Variants in VIPR1 observed in about 807,000 individuals in gnomAD.
The protein encoded by VIPR1 is vasoactive intestinal polypeptide receptor 1.
A neutral mutation model predicts 58.8 loss-of-function variants in VIPR1; 59 were observed. The ratio of observed to expected loss-of-function variants is 1.00; its 90% CI spans 0.81 to 1.25. The LOEUF (loss-of-function observed/expected upper bound fraction) is 1.25, where lower values mean the gene tolerates loss of function less well. VIPR1 is among the 50% of genes most tolerant of loss of function. The pLI, the probability that VIPR1 is intolerant of heterozygous loss-of-function variation, is 0.00. For missense variants in VIPR1, 626 were observed against 602.7 expected (o/e 1.04, Z -0.40); for synonymous variants, 251 against 242.1 (o/e 1.04, Z -0.34).
Position 42,495,330 on chromosome 3 carries a change from C to T in VIPR1, c.-245+5652C>T, listed in dbSNP as rs535267753. Reference sequence around the variant, plus strand: ...TAGAGACGGGGTTTCACCATGTTAGCCAGGATGGTTTCCATCTCCTGACCT... The same window carrying T: ...TAGAGACGGGGTTTCACCATGTTAGTCAGGATGGTTTCCATCTCCTGACCT... On this transcript the variant is annotated intron_variant, in intron 1 of 13. Coordinates refer to the VIPR1 transcript ENST00000433647. Among the ~76,000 whole-genome samples, 5 of 152,228 alleles carry T rather than the reference C, an allele frequency of 3.3e-5. No individual in the cohort carries two copies. In the South Asian group the frequency reaches 1.0e-3, roughly 32 times the overall value.
intron 10 of VIPR1, chr3:42,533,692 C>A (rs1006087420): frequency 2.0e-5 from 3 of 152,212 alleles, no homozygotes; most frequent in African/African-American, 7.2e-5. Context: ...CTCTACACCT[C>A]CCCATAAGCC....
Position 42,537,393 on chromosome 3 carries a change from T to A in VIPR1, c.*1112T>A, listed in dbSNP as rs1246300583. On this transcript the variant is annotated 3_prime_UTR_variant, in exon 13 of 13. Transcript: ENST00000325123. Reference sequence around the variant, plus strand: ...ATCCCCCTTGCCACCCCACCCTCCCTGGAGTGTGGCTGAGGAGGCCTCCAT... The same window carrying A: ...ATCCCCCTTGCCACCCCACCCTCCCAGGAGTGTGGCTGAGGAGGCCTCCAT... The A allele has an allele frequency of 6.6e-6, 1 of 152,202 alleles. No homozygotes were observed. Among genetic ancestry groups the A allele is most frequent in the East Asian group, 1.9e-4 (1 of 5,198 alleles). 9.4% of individuals were successfully genotyped at this position (152,202 alleles called of 1,614,324 possible).
At chr3:42,525,372 A>ACCCCCC (rs1701175137) in intron 3 of VIPR1, among the ~76,000 whole-genome samples, 2 of 77,386 alleles carry the variant, frequency 2.6e-5, no homozygotes, top group Non-Finnish European at 5.5e-5. Flanking sequence ...CCCCAACCCC[A>ACCCCCC]CCCCTCCTCA....
At chr3:42,534,887 T>C in intron 10 of VIPR1, 88 bp from the exon 11 acceptor site, 2 of 1,528,170 alleles carry the variant, frequency 1.3e-6, no homozygotes, top group East Asian at 2.3e-5. Flanking sequence ...CCCCATCTTC[T>C]GTGCCTCCAG....
intron 1 of VIPR1, among the ~76,000 whole-genome samples, chr3:42,494,177 A>G (rs556926622): frequency 6.6e-6 from 1 of 152,356 alleles, no homozygotes; most frequent in African/African-American, 2.4e-5. Flanking sequence ...TTTTGCTTCT[A>G]TGTTTATGTA....
chr3:42,502,508 C>T, upstream of VIPR1: 1 of 356,716 alleles, frequency 2.8e-6, no homozygotes, highest in Non-Finnish European at 5.0e-6. Context: ...GCTCCCCAGC[C>T]CCGCCCCATA....
chr3:42,503,262 A>G (rs1370463611), intron 1 of VIPR1, among the ~76,000 whole-genome samples: 2 of 152,144 alleles, frequency 1.3e-5, no homozygotes, highest in Non-Finnish European at 2.9e-5. Flanking sequence ...TGTCAGCATC[A>G]GAACCAGTGC....
rs1701771803 is a variant in VIPR1, at chr3:42,535,060, C to G, written c.1096C>G (p.Pro366Ala). 6.2e-7 allele frequency: 1 copy of G among 1,614,202 alleles called. No individual in the cohort carries two copies. Among genetic ancestry groups the G allele is most frequent in the East Asian group, 2.2e-5 (1 of 44,876 alleles). Residue 366 changes from proline to alanine, a missense_variant, in exon 11 of 13, where the codon CCT becomes GCT. Physicochemically the swap from Pro to Ala is conservative, Grantham distance 27 (BLOSUM62 -1). Transcript: ENST00000325123. ...CGCCTTCTTTCCGGACAATTTTAAG[C>G]CTGAAGTGAAGATGGTCTTTGAGCT... is the stretch of plus-strand genomic sequence containing the variant. ...MFAFFPDNFK[P>A]EVKMVFELVV...
At chr3:42,531,662 G>A in intron 8 of VIPR1, 131 bp downstream of exon 8, 1 of 1,549,176 alleles carries the variant, frequency 6.5e-7, no homozygotes, top group Non-Finnish European at 8.9e-7. Context: ...GAGGCTGGAG[G>A]AGGACCTGGG....
intron 2 of VIPR1, among the ~76,000 whole-genome samples, chr3:42,517,495 T>A (rs928900130): frequency 2.0e-5 from 3 of 152,182 alleles, no homozygotes; most frequent in Admixed American, 6.5e-5. Flanking sequence ...AATGATGGCA[T>A]TTGCATGTGC....
At chr3:42,528,243 C>A in intron 6 of VIPR1, 120 bp downstream of exon 6, 1 of 1,389,412 alleles carries the variant, frequency 7.2e-7, no homozygotes, top group East Asian at 2.5e-5. Flanking sequence ...CACCCCACCC[C>A]TCAATCCAAG....
Position 42,536,947 on chromosome 3 carries a change from A to G in VIPR1, c.*666A>G, listed in dbSNP as rs912576033. Reference sequence around the variant, plus strand: ...GGTCAGTCTGGTGGGAGGACGGTGCAACCCAAGGACTGAGGGACTCTGAAG... The same window carrying G: ...GGTCAGTCTGGTGGGAGGACGGTGCGACCCAAGGACTGAGGGACTCTGAAG... On this transcript the variant is annotated 3_prime_UTR_variant, in exon 13 of 13. Transcript: ENST00000325123. 2 of 152,190 alleles carry G rather than the reference A, an allele frequency of 1.3e-5. No homozygotes were observed. Among genetic ancestry groups the G allele is most frequent in the South Asian group, 2.1e-4 (1 of 4,830 alleles). The allele number at this position is 152,190 out of a possible 1,614,324, so 9.4% of individuals were successfully genotyped here.
At chr3:42,518,199 G>T (rs1053026352) in intron 2 of VIPR1, among the ~76,000 whole-genome samples, 1 of 152,030 alleles carries the variant, frequency 6.6e-6, no homozygotes, top group East Asian at 1.9e-4. Context: ...ACTAGATGTA[G>T]TCTGAAGGTT....
At chr3:42,524,669 C>A (rs1701134820) in intron 3 of VIPR1, among the ~76,000 whole-genome samples, 1 of 152,138 alleles carries the variant, frequency 6.6e-6, no homozygotes, top group Non-Finnish European at 1.5e-5. Context: ...TGGAAATAAA[C>A]ACACGTGCCC....
chr3:42,519,875 G>C (rs913900408), intron 3 of VIPR1, among the ~76,000 whole-genome samples: 1 of 152,206 alleles, frequency 6.6e-6, no homozygotes, highest in Non-Finnish European at 1.5e-5. Flanking sequence ...AGTGTGCCAG[G>C]CACTGAGCTG....
chr3:42,531,393 TC>T, intron 7 of VIPR1, 77 bp from the exon 8 acceptor site: 1 of 1,466,298 alleles, frequency 6.8e-7, no homozygotes, highest in Non-Finnish European at 9.3e-7. Context: ...CCTGCTTTTC[TC>T]CAAAATCTCT....
At chr3:42,501,561 A>C (rs1044493385), upstream of VIPR1, among the ~76,000 whole-genome samples, 1 of 152,236 alleles carries the variant, frequency 6.6e-6, no homozygotes, top group Admixed American at 6.5e-5. This position sits in a 1 kb window ranked among gnomAD's most constrained non-coding sequence, Gnocchi z 4.8. Context: ...CGCTTGGTCC[A>C]CAAGAAGACG....
chr3:42,534,761 A>C, intron 10 of VIPR1: 1 of 523,754 alleles, frequency 1.9e-6, no homozygotes. Context: ...GCTTCCCTCC[A>C]GGCCAGGAGG....
At chr3:42,529,775 G>C (rs1701436323) in intron 6 of VIPR1, 1 of 152,194 alleles carries the variant, frequency 6.6e-6, no homozygotes, top group Non-Finnish European at 1.5e-5. Flanking sequence ...CTTTCTGGGA[G>C]GGGACAGAAG....
Sources: allele counts gnomAD v4.1 joint callset (sites outside exome capture counted in the v4.1 genomes callset), GRCh38; gene constraint gnomAD v4.1.1; non-coding constraint Gnocchi (gnomAD v3.1); transcripts MANE v1.5; gene names NCBI Gene and HGNC (gene_info 2026-07-23, HGNC 2026-07-21).